IARS2: variants seen among roughly 807,000 people sequenced by gnomAD.
The protein encoded by IARS2 is isoleucine--tRNA ligase, mitochondrial.
Under a neutral mutation model 126.3 loss-of-function variants are expected in IARS2, and 56 were observed. The observed-to-expected ratio is 0.44, with a 90% CI of 0.36 to 0.55. The LOEUF (loss-of-function observed/expected upper bound fraction) is 0.55. Ranked by LOEUF, IARS2 falls within the 20% of genes least tolerant of loss-of-function variation. The pLI, the probability that IARS2 is intolerant of heterozygous loss-of-function variation, is 0.00. For synonymous variants in IARS2, 407 were observed against 441.1 expected (o/e 0.92, Z 0.97); for missense variants, 1,127 against 1,245.9 (o/e 0.90, Z 1.44).
chr1:220,137,698 G>A (rs1446486486), intron 16 of IARS2: 2 of 498,206 alleles, frequency 4.0e-6, no homozygotes, highest in Non-Finnish European at 7.2e-6. Context: ...GAGCATTTGT[G>A]CATTGAACAA....
intron 19 of IARS2, among the ~76,000 whole-genome samples, chr1:220,141,227 TGTTCTCAGGA>T (rs1657486606): frequency 6.6e-6 from 1 of 152,198 alleles, no homozygotes; most frequent in South Asian, 2.1e-4. Context: ...ACATAATGCT[TGTTCTCAGGA>T]GTTCTCAAAT....
intron 12 of IARS2, among the ~76,000 whole-genome samples, chr1:220,121,293 T>A (rs533364402): frequency 1.8e-4 from 28 of 152,308 alleles, no homozygotes; most frequent in Non-Finnish European, 2.8e-4. Flanking sequence ...TCAGTTTTTT[T>A]AAAAAGTTTT....
rs2102839310 is a variant in IARS2, at chr1:220,137,905, T to C, written c.2050-13T>C. The C allele has an allele frequency of 1.2e-6, 2 of 1,613,642 alleles. No individual in the cohort carries two copies. Among genetic ancestry groups the C allele is most frequent in the East Asian group, 4.5e-5 (2 of 44,874 alleles). On this transcript the variant is annotated splice_polypyrimidine_tract_variant and intron_variant, in intron 16 of 22. Transcript: ENST00000366922. ...AAGCCATTGTGTTTATATATTTTTT[T>C]CTCAATGAAAAGGATCAAAGCAAAG...
chr1:220,123,843 A>G (rs1313269199), intron 12 of IARS2, among the ~76,000 whole-genome samples: 4 of 152,192 alleles, frequency 2.6e-5, no homozygotes, highest in Non-Finnish European at 4.4e-5. Context: ...TAAACACTTC[A>G]TTTATCTGTG....
In IARS2 at chr1:220,145,619, C is replaced by T. The variant is rs549164834; in HGVS notation, c.2862C>T (p.Ile954=). The T allele has an allele frequency of 8.7e-6, 14 of 1,612,868 alleles. No homozygotes were observed. The highest frequency in any genetic ancestry group is 2.2e-5 in the East Asian group (1 of 44,826). ...CACGAGAGATGACTGCAGATGTAATCGAGCTTAAAGGGAAATTCCTCATCA... is the reference window on the plus strand; with the variant it reads ...CACGAGAGATGACTGCAGATGTAATTGAGCTTAAAGGGAAATTCCTCATCA... ...QEPREMTADV[I]ELKGKFLINL... is the part of the protein sequence containing the mutation. The change falls in exon 22 of 23, where the codon ATC becomes ATT. Residue 954 remains isoleucine (I), a synonymous_variant. Transcript: ENST00000366922.
intron 8 of IARS2, 47 bp from the exon 9 acceptor site, chr1:220,105,844 A>T: frequency 1.3e-6 from 2 of 1,511,666 alleles, no homozygotes; most frequent in Non-Finnish European, 1.8e-6. Context: ...AAGGAGATAG[A>T]TTTGCCATAT....
At chr1:220,102,827 C>T in intron 7 of IARS2, 50 bp downstream of exon 7, 1 of 927,656 alleles carries the variant, frequency 1.1e-6, no homozygotes, top group Non-Finnish European at 1.7e-6. Flanking sequence ...GAATGTATTC[C>T]ATTATTAACA....
At chr1:220,122,699 G>A (rs1353071617) in intron 12 of IARS2, among the ~76,000 whole-genome samples, 2 of 152,058 alleles carry the variant, frequency 1.3e-5, no homozygotes, top group Non-Finnish European at 2.9e-5. Flanking sequence ...AAGATATGTG[G>A]TGTACGTATA....
chr1:220,101,266 T>C (rs1182451587), intron 3 of IARS2, among the ~76,000 whole-genome samples: 2 of 152,258 alleles, frequency 1.3e-5, no homozygotes, highest in Non-Finnish European at 1.5e-5. Context: ...TTGTCCTAAA[T>C]ATGAGGTCAT....
intron 17 of IARS2, among the ~76,000 whole-genome samples, chr1:220,138,379 G>A (rs1400609586): frequency 2.0e-5 from 3 of 152,084 alleles, no homozygotes; most frequent in African/African-American, 4.8e-5. Context: ...GCTGAGGCAG[G>A]AGAATCACTT....
chr1:220,126,885 A>G (rs778333944), intron 14 of IARS2, 42 bp downstream of exon 14: 1 of 1,393,454 alleles, frequency 7.2e-7, no homozygotes, highest in Admixed American at 2.0e-5. Context: ...AGAAGTTTTG[A>G]AAATATGGAA....
chr1:220,140,030 C>T (rs1657454193), intron 18 of IARS2, among the ~76,000 whole-genome samples, 153 bp from the exon 19 acceptor site: 1 of 152,134 alleles, frequency 6.6e-6, no homozygotes, highest in Non-Finnish European at 1.5e-5. Context: ...CCAGAAATGA[C>T]ATTTGGAAGA....
chr1:220,096,638 A>T (rs1199561688), intron 2 of IARS2, among the ~76,000 whole-genome samples: 2 of 152,126 alleles, frequency 1.3e-5, no homozygotes, highest in Non-Finnish European at 2.9e-5. Context: ...CAATCTGTTC[A>T]CTCATTTTTC....
chr1:220,122,025 G>A (rs1218841159), intron 12 of IARS2, among the ~76,000 whole-genome samples: 1 of 152,112 alleles, frequency 6.6e-6, no homozygotes, highest in Non-Finnish European at 1.5e-5. Flanking sequence ...AGGAGTTCAA[G>A]GCTTCAAGTG....
At chr1:220,120,464 T>C (rs1188944076) in intron 12 of IARS2, among the ~76,000 whole-genome samples, 1 of 151,644 alleles carries the variant, frequency 6.6e-6, no homozygotes, top group African/African-American at 2.4e-5. Context: ...ATCTTCTGCC[T>C]CCTGGGTTCA....
intron 22 of IARS2, among the ~76,000 whole-genome samples, chr1:220,146,881 A>C (rs1164602221): frequency 6.6e-6 from 1 of 152,132 alleles, no homozygotes; most frequent in African/African-American, 2.4e-5. Flanking sequence ...CATGTTGGCC[A>C]GGCTGGTCTT....
Position 220,114,352 on chromosome 1 carries a change from A to G in IARS2, c.1518A>G (p.Ala506=). 1 of 1,614,022 alleles carries G rather than the reference A, an allele frequency of 6.2e-7. No homozygotes were observed. Among genetic ancestry groups the G allele is most frequent in the Non-Finnish European group, 8.5e-7 (1 of 1,179,878 alleles). The change falls in exon 12 of 23, where the codon GCA becomes GCG. Residue 506 remains alanine, a synonymous_variant. Transcript: ENST00000366922. ...AGGTGAAATTTATTCCTGGATCAGC[A>G]CTGAATGGCATGGTTGAAATGATGG... ...LKKVKFIPGS[A]LNGMVEMMDR... is the part of the protein sequence containing the mutation.
intron 19 of IARS2, among the ~76,000 whole-genome samples, chr1:220,140,585 T>A (rs1321777691): frequency 6.7e-6 from 1 of 149,878 alleles, no homozygotes; most frequent in Non-Finnish European, 1.5e-5. Context: ...TCTCAAAAAA[T>A]AACAACAACA....
At chr1:220,109,045 T>C (rs958915921) in intron 10 of IARS2, among the ~76,000 whole-genome samples, 7 of 151,998 alleles carry the variant, frequency 4.6e-5, no homozygotes, top group Admixed American at 1.3e-4. Context: ...CCTGACAGAC[T>C]TTACAGAAAC....
Sources: allele counts gnomAD v4.1 joint callset (sites outside exome capture counted in the v4.1 genomes callset), GRCh38; gene constraint gnomAD v4.1.1; transcripts MANE v1.5; gene names NCBI Gene and HGNC (gene_info 2026-07-23, HGNC 2026-07-21).